Variants in PRLHR observed in about 807,000 individuals in gnomAD.
The protein encoded by PRLHR is prolactin-releasing peptide receptor.
A neutral mutation model predicts 9.3 loss-of-function variants in PRLHR; 10 were observed. The observed-to-expected ratio is 1.08, with a 90% CI of 0.66 to 1.82. PRLHR has a LOEUF of 1.82. PRLHR is among the 40% of genes most tolerant of loss of function. The pLI is 0.00. For missense variants in PRLHR, 589 were observed against 512.0 expected (o/e 1.15, Z -1.45); for synonymous variants, 261 against 249.3 (o/e 1.05, Z -0.44).
chr10:118,594,299 C>A lies in PRLHR; in HGVS notation c.946G>T (p.Val316Leu), dbSNP rs780688844. 2.5e-6 allele frequency: 4 copies of A among 1,603,418 alleles called. No individual in the cohort carries two copies. The East Asian group carries it at 8.9e-5, about 36-fold the overall frequency. The change falls in exon 2 of 2, where the codon GTG becomes TTG. Residue 316 changes from valine (V) to leucine (L), a missense_variant. Transcript: ENST00000239032. ...HAIDPYAFGL[V>L]QLLCHWLAMS... The stretch of plus-strand genomic sequence containing the variant: ...GCGAGCCAGTGGCAGAGCAGCTGCA[C>A]CAGCCCAAAGGCGTAAGGGTCGATG...
At position 118,591,554 on chromosome 10, in the gene PRLHR, G is replaced by A. The variant is rs554418199; in HGVS notation, c.*2578C>T. On this transcript the variant is annotated 3_prime_UTR_variant, in exon 2 of 2. Transcript: ENST00000239032. ...AATTTGCCTCTTTGTGATTGAGCTGGTATTGCCTGAAGACTAAAAGAGTAT... is the reference window on the plus strand; with the variant it reads ...AATTTGCCTCTTTGTGATTGAGCTGATATTGCCTGAAGACTAAAAGAGTAT... The A allele has an allele frequency of 1.1e-4, 16 of 152,214 alleles. No homozygotes were observed. The highest frequency in any genetic ancestry group is 3.9e-4 in the African/African-American group (16 of 41,550). 9.4% of individuals were successfully genotyped at this position (152,214 alleles called of 1,614,324 possible). A position where few individuals can be genotyped will look rare whatever the true frequency, so the allele number is the denominator to read the frequency against.
rs1288025553 is a variant in PRLHR at position 118,594,419 on chromosome 10, TGCGCCGGCGCCGAGC to T, written c.811_825del (p.Ala271_Arg275del). 3.3e-5 allele frequency: 52 copies of T among 1,599,728 alleles called. No individual in the cohort carries two copies. The highest frequency in any genetic ancestry group is 4.3e-5 in the Non-Finnish European group (51 of 1,179,534). On this transcript the variant is annotated inframe_deletion, in exon 2 of 2. Transcript: ENST00000239032. Reference sequence around the variant, plus strand: ...ACGATCACCACCAGCAAGCAGAAGGTGCGCCGGCGCCGAGCGCGGTCCCAGTCGGCCTGGCTCTGG... The same window carrying T: ...ACGATCACCACCAGCAAGCAGAAGGTGCGGTCCCAGTCGGCCTGGCTCTGG...
chr10:118,594,730 G>A lies in PRLHR; in HGVS notation c.515C>T (p.Ser172Leu), dbSNP rs762255719. 6.2e-7 allele frequency: 1 copy of A among 1,604,848 alleles called. No individual in the cohort carries two copies. ...CACAGCGTAGGCGCTGAGGCGCAGCGAGATGCGCCGCCTCAGCGGGTGCAC... is the reference window on the plus strand; with the variant it reads ...CACAGCGTAGGCGCTGAGGCGCAGCAAGATGCGCCGCCTCAGCGGGTGCAC... ...VLVHPLRRRI[S>L]LRLSAYAVLA... Residue 172 changes from serine (S) to leucine (L), a missense_variant, in exon 2 of 2, where the codon TCG (serine) becomes TTG (leucine). Transcript: ENST00000239032.
chr10:118,595,471 C>T (rs897691066), intron 1 of PRLHR, 45 bp downstream of exon 1: 5 of 406,248 alleles, frequency 1.2e-5, no homozygotes, highest in African/African-American at 1.0e-4. Context: ...CCTCTATTTA[C>T]GGTCCTCGCA....
Position 118,593,754 on chromosome 10 carries a change from C to G in PRLHR, c.*378G>C, listed in dbSNP as rs148122135. On this transcript the variant is annotated 3_prime_UTR_variant, in exon 2 of 2. Transcript: ENST00000239032. Reference sequence around the variant, plus strand: ...CAAGCCCAATGCATTCCTTTTAAATCCCATTCATATTGTTCATTTCACCAA... The same window carrying G: ...CAAGCCCAATGCATTCCTTTTAAATGCCATTCATATTGTTCATTTCACCAA... The G allele has an allele frequency of 6.2e-6, 1 of 161,476 alleles. No homozygotes were observed. 10.0% of individuals were successfully genotyped at this position (161,476 alleles called of 1,614,324 possible).
At position 118,594,665 on chromosome 10, in the gene PRLHR, C is replaced by T; in HGVS notation, c.580G>A (p.Ala194Thr). ...WALSAVLALP[A>T]AVHTYHVELK... ...TCCACGTGATAGGTGTGCACGGCGG[C>T]GGGCAGCGCCAGCACCGCGGACAGC... Residue 194 changes from alanine to threonine, a missense_variant, in exon 2 of 2, where the codon GCC (alanine) becomes ACC (threonine). Physicochemically the swap from Ala to Thr is moderately conservative, Grantham distance 58. Transcript: ENST00000239032. The T allele has an allele frequency of 6.3e-7, 1 of 1,584,082 alleles. No homozygotes were observed. Among genetic ancestry groups the T allele is most frequent in the Non-Finnish European group, 8.6e-7 (1 of 1,168,192 alleles).
chr10:118,594,310 G>A lies in PRLHR; in HGVS notation c.935C>T (p.Ala312Val). The A allele has an allele frequency of 6.2e-7, 1 of 1,603,144 alleles. No homozygotes were observed. Among genetic ancestry groups the A allele is most frequent in the Non-Finnish European group, 8.5e-7 (1 of 1,178,020 alleles). ...GCAGAGCAGCTGCACCAGCCCAAAG[G>A]CGTAAGGGTCGATGGCGTGGGGGTC... ...DLDPHAIDPY[A>V]FGLVQLLCHW... The change falls in exon 2 of 2, where the codon GCC becomes GTC. Residue 312 changes from alanine (A) to valine (V), a missense_variant. Transcript: ENST00000239032.
At position 118,595,339 on chromosome 10, in the gene PRLHR, G is replaced by C. The variant is rs187767533; in HGVS notation, c.-6-89C>G. On this transcript the variant is annotated intron_variant, in intron 1 of 1. Transcript: ENST00000239032. ...GCCGCGCCCCTCCCCCATCGCCTGA[G>C]TCCTCCCTTGGGAATAACCGGCCAC... The C allele has an allele frequency of 3.9e-3, 4,902 of 1,257,484 alleles. 21 individuals are homozygous for C. The highest frequency in any genetic ancestry group is 5.9e-3 in the East Asian group (248 of 42,120). The allele number at this position is 1,257,484 out of a possible 1,614,324, so 77.9% of individuals were successfully genotyped here.
intron 1 of PRLHR, 108 bp from the exon 2 acceptor site, chr10:118,595,358 C>A: frequency 1.9e-6 from 2 of 1,069,710 alleles, no homozygotes; most frequent in South Asian, 3.5e-5. Context: ...TGGGAATAAC[C>A]GGCCACAGAA....
chr10:118,595,126 G>A lies in PRLHR; in HGVS notation c.119C>T (p.Ala40Val), dbSNP rs776623236. ...AEASAGNGSV[A>V]GADAPAVTPF... Reference sequence around the variant, plus strand: ...CGTGACGGCTGGAGCGTCCGCGCCAGCCACCGACCCGTTGCCCGCCGAGGC... The same window carrying A: ...CGTGACGGCTGGAGCGTCCGCGCCAACCACCGACCCGTTGCCCGCCGAGGC... The change falls in exon 2 of 2, where the codon GCT (alanine) becomes GTT (valine). Residue 40 changes from alanine (A) to valine (V), a missense_variant. Coordinates refer to ENST00000239032, the MANE Select transcript of PRLHR (RefSeq NM_004248.3). 1.9e-6 allele frequency: 3 copies of A among 1,600,376 alleles called. No individual in the cohort carries two copies. In the Admixed American group the frequency reaches 5.0e-5, roughly 27 times the overall value.
Position 118,594,930 on chromosome 10 carries a change from G to A in PRLHR, c.315C>T (p.Ser105=). The stretch of plus-strand genomic sequence containing the variant: ...CGCAGGCGGTGCACATGAGCACGTC[G>A]GACAAGGCCAGGTTGCCGATGAGGA... ...TNFLIGNLAL[S]DVLMCTACVP... is the part of the protein sequence containing the mutation. Residue 105 remains serine (S), a synonymous_variant, in exon 2 of 2, where the codon TCC becomes TCT. Transcript: ENST00000239032. The A allele has an allele frequency of 6.2e-7, 1 of 1,613,622 alleles. No individual in the cohort carries two copies. The highest frequency in any genetic ancestry group is 1.1e-5 in the South Asian group (1 of 91,074).
In PRLHR at chr10:118,594,112, C is replaced by G. The variant is rs201179219; in HGVS notation, c.*20G>C. 6.6e-7 allele frequency: 1 copy of G among 1,512,368 alleles called. No homozygotes were observed. Among genetic ancestry groups the G allele is most frequent in the Non-Finnish European group, 8.9e-7 (1 of 1,129,742 alleles). The allele number at this position is 1,512,368 out of a possible 1,614,324, so 93.7% of individuals were successfully genotyped here. ...GCCAGTTGAAGTGGAGCTCCTTGAC[C>G]AAGGCCTGGCTAAGTGGCATCAGAT... On this transcript the variant is annotated 3_prime_UTR_variant, in exon 2 of 2. Coordinates refer to ENST00000239032, the MANE Select transcript of PRLHR (RefSeq NM_004248.3).
In PRLHR at chr10:118,594,293, G is replaced by T; in HGVS notation, c.952C>A (p.Leu318Met). 6.2e-7 allele frequency: 1 copy of T among 1,603,968 alleles called. No homozygotes were observed. Among genetic ancestry groups the T allele is most frequent in the Non-Finnish European group, 8.5e-7 (1 of 1,177,320 alleles). ...IDPYAFGLVQ[L>M]LCHWLAMSSA... ...CTCATGGCGAGCCAGTGGCAGAGCA[G>T]CTGCACCAGCCCAAAGGCGTAAGGG... Residue 318 changes from leucine (L) to methionine (M), a missense_variant, in exon 2 of 2, where the codon CTG becomes ATG. Transcript: ENST00000239032.
In PRLHR at chr10:118,593,255, T is replaced by A. The variant is rs1334765151; in HGVS notation, c.*877A>T. On this transcript the variant is annotated 3_prime_UTR_variant, in exon 2 of 2. Transcript: ENST00000239032. ...AGAATGCCACGCTACACAGTTTACA[T>A]TGAGTATTCAGAAAACCAAATATTT... 6.6e-6 allele frequency: 1 copy of A among 152,246 alleles called. No homozygotes were observed. Among genetic ancestry groups the A allele is most frequent in the South Asian group, 2.1e-4 (1 of 4,826 alleles). 9.4% of individuals were successfully genotyped at this position (152,246 alleles called of 1,614,324 possible).
Position 118,594,147 on chromosome 10 carries a change from G to T in PRLHR, c.1098C>A (p.Val366=). ...CTAAGTGGCATCAGATGACCACGCT[G>T]ACGGTCATATTCTGGCCATGGGGGG... The part of the protein sequence containing the change: ...KIAPHGQNMT[V]SVVI Residue 366 remains valine, a synonymous_variant, in exon 2 of 2, where the codon GTC becomes GTA. Coordinates refer to ENST00000239032, the MANE Select transcript of PRLHR (RefSeq NM_004248.3). 6.6e-7 allele frequency: 1 copy of T among 1,525,084 alleles called. No homozygotes were observed. Among genetic ancestry groups the T allele is most frequent in the South Asian group, 1.3e-5 (1 of 77,888 alleles). The allele number at this position is 1,525,084 out of a possible 1,614,324, so 94.5% of individuals were successfully genotyped here.
At position 118,594,658 on chromosome 10, in the gene PRLHR, A is replaced by T. The variant is rs1192139328; in HGVS notation, c.587T>A (p.Val196Glu). The change falls in exon 2 of 2, where the codon GTG becomes GAG. Residue 196 changes from valine to glutamate, a missense_variant. By Grantham distance (121) the Val-to-Glu change is moderately radical (BLOSUM62 -2). Transcript: ENST00000239032. Reference sequence around the variant, plus strand: ...CTTGAGCTCCACGTGATAGGTGTGCACGGCGGCGGGCAGCGCCAGCACCGC... The same window carrying T: ...CTTGAGCTCCACGTGATAGGTGTGCTCGGCGGCGGGCAGCGCCAGCACCGC... ...LSAVLALPAA[V>E]HTYHVELKPH... is the part of the protein sequence containing the mutation. 1 of 1,585,786 alleles carries T rather than the reference A, an allele frequency of 6.3e-7. No homozygotes were observed. The highest frequency in any genetic ancestry group is 2.3e-5 in the East Asian group (1 of 44,170).
rs758179562 is a variant in PRLHR, at chr10:118,594,947, C to T, written c.298G>A (p.Gly100Ser). Residue 100 changes from glycine to serine, a missense_variant, in exon 2 of 2, where the codon GGC (glycine) becomes AGC (serine). Gly to Ser is a moderately conservative substitution (Grantham distance 56). Transcript: ENST00000239032. ...AGCACGTCGGACAAGGCCAGGTTGC[C>T]GATGAGGAAGTTCGTCACGTTGTGC... ...RLHNVTNFLI[G>S]NLALSDVLMC... The T allele has an allele frequency of 8.1e-6, 13 of 1,613,564 alleles. No homozygotes were observed. The East Asian group carries it at 8.9e-5, about 11-fold the overall frequency.
Position 118,594,701 on chromosome 10 carries a change from C to T in PRLHR, c.544G>A (p.Ala182Thr), listed in dbSNP as rs777582537. The change falls in exon 2 of 2, where the codon GCC becomes ACC. Residue 182 changes from alanine to threonine, a missense_variant. Physicochemically the swap from Ala to Thr is moderately conservative, Grantham distance 58. Transcript: ENST00000239032. Reference protein sequence around the residue: ...SLRLSAYAVLAIWALSAVLAL... With the variant: ...SLRLSAYAVLTIWALSAVLAL... ...AGCACCGCGGACAGCGCCCAGATGG[C>T]CAGCACAGCGTAGGCGCTGAGGCGC... 1.3e-6 allele frequency: 2 copies of T among 1,593,608 alleles called. No homozygotes were observed. The highest frequency in any genetic ancestry group is 1.1e-5 in the South Asian group (1 of 89,806).
chr10:118,594,838 A>AGGTGGCACAGGCCGCCGCC lies in PRLHR; in HGVS notation c.388_406dup (p.Leu136ArgfsTer277), dbSNP rs1844474984. On this transcript the variant is annotated frameshift_variant, in exon 2 of 2. Coordinates refer to ENST00000239032, the MANE Select transcript of PRLHR (RefSeq NM_004248.3). LOFTEE classifies it low-confidence loss of function (END_TRUNC). ...GGTGACCGGCTGCAGGAAGAAGACC[A>AGGTGGCACAGGCCGCCGCC]GGTGGCACAGGCCGCCGCCGAACAC... is the stretch of plus-strand genomic sequence containing the variant. 3 of 1,613,084 alleles carry AGGTGGCACAGGCCGCCGCC rather than the reference A, an allele frequency of 1.9e-6. No homozygotes were observed. Among genetic ancestry groups the AGGTGGCACAGGCCGCCGCC allele is most frequent in the Admixed American group, 1.7e-5 (1 of 60,016 alleles).
Sources: allele counts gnomAD v4.1 joint callset, GRCh38; gene constraint gnomAD v4.1.1; transcripts MANE v1.5; gene names NCBI Gene and HGNC (gene_info 2026-07-23, HGNC 2026-07-21).